Variants in MACROD2 observed in about 807,000 individuals in gnomAD.
MACROD2 encodes the protein mono-ADP ribosylhydrolase 2, also known as ADP-ribose glycohydrolase MACROD2.
Under a neutral mutation model 70.4 loss-of-function variants are expected in MACROD2, and 36 were observed. The ratio of observed to expected loss-of-function variants is 0.51; its 90% CI spans 0.39 to 0.68. The LOEUF (loss-of-function observed/expected upper bound fraction) is 0.68. MACROD2 is among the 30% of genes least tolerant of loss of function. The pLI, the probability that MACROD2 is intolerant of heterozygous loss-of-function variation, is 0.00. For synonymous variants in MACROD2, 172 were observed against 178.8 expected (o/e 0.96, Z 0.30); for missense variants, 496 against 538.4 (o/e 0.92, Z 0.78).
intron 13 of MACROD2, among the ~76,000 whole-genome samples, chr20:15,986,456 A>G (rs759220233): frequency 2.0e-5 from 3 of 152,174 alleles, no homozygotes; most frequent in Non-Finnish European, 4.4e-5. Context: ...TGTGTCCTCT[A>G]TCCATATCCT....
intron 3 of MACROD2, among the ~76,000 whole-genome samples, chr20:14,445,904 C>A (rs2084177067): frequency 6.6e-6 from 1 of 152,040 alleles, no homozygotes; most frequent in Non-Finnish European, 1.5e-5. Context: ...GTGGCTCCTT[C>A]AATAATGCAA....
At chr20:14,368,510 T>C (rs1600168289) in intron 3 of MACROD2, among the ~76,000 whole-genome samples, 1 of 151,526 alleles carries the variant, frequency 6.6e-6, no homozygotes, top group Non-Finnish European at 1.5e-5. Flanking sequence ...ACCACTGCAC[T>C]CTAGCCTGGG....
chr20:14,396,659 C>T (rs1186817132), intron 3 of MACROD2, among the ~76,000 whole-genome samples: 1 of 152,080 alleles, frequency 6.6e-6, no homozygotes, highest in Non-Finnish European at 1.5e-5. Flanking sequence ...AGCGCAGTGG[C>T]TCACGCCTGT....
intron 3 of MACROD2, among the ~76,000 whole-genome samples, chr20:14,119,868 T>A (rs2054562543): frequency 2.0e-5 from 3 of 151,834 alleles, no homozygotes. Flanking sequence ...AGAAAAAAAA[T>A]GAACAACCCC....
chr20:14,347,623 A>G (rs1256789352), intron 3 of MACROD2, among the ~76,000 whole-genome samples: 1 of 152,116 alleles, frequency 6.6e-6, no homozygotes, highest in Non-Finnish European at 1.5e-5. Context: ...AGGCTTTCCA[A>G]AAGCTGCCAC....
chr20:14,327,409 G>C, intron 3 of MACROD2: 2 of 1,613,676 alleles, frequency 1.2e-6, no homozygotes, highest in Non-Finnish European at 1.7e-6. Flanking sequence ...GCGACACACA[G>C]ATGGACAGGA....
chr20:15,053,051 T>G (rs1568550853), intron 5 of MACROD2, among the ~76,000 whole-genome samples: 1 of 152,090 alleles, frequency 6.6e-6, no homozygotes, highest in South Asian at 2.1e-4. Context: ...TTCTGTGAAG[T>G]TTGAGAAAGC....
chr20:15,705,278 C>CT (rs760044043), intron 8 of MACROD2, among the ~76,000 whole-genome samples: 59 of 152,082 alleles, frequency 3.9e-4, no homozygotes, highest in Non-Finnish European at 6.9e-4. Context: ...TTAAATCAGT[C>CT]TTTGAGAGAG....
intron 5 of MACROD2, among the ~76,000 whole-genome samples, chr20:15,133,832 TTTAAA>T (rs1737861803): frequency 6.6e-6 from 1 of 152,020 alleles, no homozygotes; most frequent in Non-Finnish European, 1.5e-5. Flanking sequence ...ATGAAAATCT[TTTAAA>T]ATTAACTGTT....
chr20:15,419,926 A>G (rs1425727125), intron 6 of MACROD2, among the ~76,000 whole-genome samples: 1 of 152,240 alleles, frequency 6.6e-6, no homozygotes, highest in Non-Finnish European at 1.5e-5. Context: ...TTTGCCGTTA[A>G]TATGAGCAGG....
chr20:14,646,459 A>C (rs577068900), intron 4 of MACROD2, among the ~76,000 whole-genome samples: 59 of 152,236 alleles, frequency 3.9e-4, no homozygotes, highest in Non-Finnish European at 4.1e-4. Flanking sequence ...ATATAGCACT[A>C]TTATGTTATC....
intron 8 of MACROD2, among the ~76,000 whole-genome samples, chr20:15,602,035 A>C (rs952777934): frequency 4.6e-5 from 7 of 152,158 alleles, no homozygotes; most frequent in Non-Finnish European, 8.8e-5. Context: ...CTCAAAAAAA[A>C]AAAGAACTTG....
intron 3 of MACROD2, among the ~76,000 whole-genome samples, chr20:14,109,105 C>T (rs749005030): frequency 3.3e-5 from 5 of 151,918 alleles, no homozygotes; most frequent in African/African-American, 9.7e-5. Flanking sequence ...AAATCAACAA[C>T]AAGAAGAATT....
At chr20:14,984,910 C>G (rs1401974687) in intron 5 of MACROD2, among the ~76,000 whole-genome samples, 2 of 152,180 alleles carry the variant, frequency 1.3e-5, no homozygotes, top group Admixed American at 1.3e-4. Flanking sequence ...GTGTCTATAA[C>G]AAAGCCAGAT....
At chr20:15,105,465 C>T (rs1446842877) in intron 5 of MACROD2, among the ~76,000 whole-genome samples, 1 of 152,038 alleles carries the variant, frequency 6.6e-6, no homozygotes, top group Non-Finnish European at 1.5e-5. Context: ...TTCATTATAT[C>T]CAAATATGGG....
At chr20:15,189,362 A>G (rs1399507230) in intron 5 of MACROD2, among the ~76,000 whole-genome samples, 1 of 152,036 alleles carries the variant, frequency 6.6e-6, no homozygotes, top group Non-Finnish European at 1.5e-5. Flanking sequence ...GTATGTGTAT[A>G]TGTATGTACA....
At chr20:15,447,427 A>C (rs2046583781) in intron 7 of MACROD2, among the ~76,000 whole-genome samples, 1 of 151,948 alleles carries the variant, frequency 6.6e-6, no homozygotes, top group Non-Finnish European at 1.5e-5. Context: ...GTTCTATCTC[A>C]AGTGAGGCAG....
At chr20:15,570,666 A>G (rs778491624) in intron 8 of MACROD2, among the ~76,000 whole-genome samples, 2 of 152,156 alleles carry the variant, frequency 1.3e-5, no homozygotes, top group Non-Finnish European at 1.5e-5. Context: ...GAGCCACTAC[A>G]TGTTGGCCCT....
intron 4 of MACROD2, among the ~76,000 whole-genome samples, chr20:14,531,394 A>C (rs889521525): frequency 3.3e-5 from 5 of 152,198 alleles, no homozygotes; most frequent in Admixed American, 2.0e-4. Context: ...GAAGATGGTC[A>C]CAGAGATTGG....
Sources: gnomAD v4.1 joint callset for allele counts (sites outside exome capture counted in the v4.1 genomes callset) on GRCh38, gnomAD v4.1.1 for gene constraint, MANE v1.5 for transcripts, NCBI Gene and HGNC (gene_info 2026-07-23, HGNC 2026-07-21) for gene names.